The following SHISA9 variants were observed in gnomAD, a reference collection of about 807,000 sequenced individuals.
SHISA9 encodes the protein shisa family member 9.
SHISA9 carries 13 observed loss-of-function variants against 38.0 expected under a neutral mutation model. The ratio of observed to expected loss-of-function variants is 0.34; its 90% CI spans 0.22 to 0.54. SHISA9 has a LOEUF of 0.54. Ranked by LOEUF, SHISA9 falls within the 20% of genes least tolerant of loss-of-function variation. SHISA9 has a pLI of 0.91. For synonymous variants in SHISA9, 275 were observed against 242.0 expected (o/e 1.14, Z -1.27); for missense variants, 538 against 575.8 (o/e 0.93, Z 0.67).
At chr16:13,270,832 G>A in the SHISA9 span, among the ~76,000 whole-genome samples, 3 of 152,122 alleles carry the variant, frequency 2.0e-5, no homozygotes, top group African/African-American at 7.2e-5. Flanking sequence ...AGAGCACCTT[G>A]GAGTCATAAA....
chr16:13,071,212 A>T (rs2073509884), intron 2 of SHISA9, among the ~76,000 whole-genome samples: 1 of 152,208 alleles, frequency 6.6e-6, no homozygotes, highest in Admixed American at 6.5e-5. Flanking sequence ...TTTAAAAAAA[A>T]GGAGTGACAG....
the SHISA9 span, among the ~76,000 whole-genome samples, chr16:13,461,040 T>C: frequency 1.5e-4 from 23 of 152,336 alleles, no homozygotes; most frequent in Middle Eastern, 3.4e-3. Context: ...ATTTATCCAA[T>C]AGACAACATA....
chr16:13,322,846 T>G, the SHISA9 span, among the ~76,000 whole-genome samples: 4 of 152,164 alleles, frequency 2.6e-5, no homozygotes, highest in Non-Finnish European at 5.9e-5. Flanking sequence ...CCCGTAAAGT[T>G]GTTTAACTCC....
intron 2 of SHISA9, among the ~76,000 whole-genome samples, chr16:13,171,516 C>G (rs2050686482): frequency 6.6e-6 from 1 of 151,934 alleles, no homozygotes; most frequent in Admixed American, 6.6e-5. Flanking sequence ...CAAGGAAGCC[C>G]TTTCTTGAAG....
intron 3 of SHISA9, among the ~76,000 whole-genome samples, chr16:13,213,016 T>A (rs77546908): frequency 0.015 from 2,239 of 152,306 alleles, 58 homozygotes; most frequent in African/African-American, 0.052. Context: ...TCAGGAGGCT[T>A]CTTTTGATCT....
chr16:12,984,750 C>G (rs1418758186), intron 2 of SHISA9, among the ~76,000 whole-genome samples: 4 of 152,196 alleles, frequency 2.6e-5, no homozygotes, highest in Non-Finnish European at 4.4e-5. Flanking sequence ...TTGGCATCCT[C>G]TGATTTCCTT....
intron 2 of SHISA9, among the ~76,000 whole-genome samples, chr16:13,178,511 C>A (rs780191291): frequency 6.6e-6 from 1 of 152,140 alleles, no homozygotes; most frequent in African/African-American, 2.4e-5. Context: ...TGCCCGCCCA[C>A]GACTGACAGA....
intron 2 of SHISA9, among the ~76,000 whole-genome samples, chr16:13,074,668 CTTTTTTTTTT>C (rs947582644): frequency 7.1e-6 from 1 of 141,112 alleles, no homozygotes. Context: ...TTTTCTTTTT[CTTTTTTTTTT>C]TTTGAGGTGG....
chr16:13,478,560 G>C, the SHISA9 span, among the ~76,000 whole-genome samples: 1 of 152,130 alleles, frequency 6.6e-6, no homozygotes, highest in African/African-American at 2.4e-5. Flanking sequence ...TGCAAGCATT[G>C]AACTAGATCA....
intron 2 of SHISA9, among the ~76,000 whole-genome samples, chr16:12,973,255 C>G (rs990174231): frequency 6.6e-6 from 1 of 152,202 alleles, no homozygotes; most frequent in Admixed American, 6.5e-5. Context: ...TCCTTTTGCC[C>G]TTCTTTTCCT....
intron 4 of SHISA9, among the ~76,000 whole-genome samples, chr16:13,223,202 G>A (rs944268048): frequency 2.0e-5 from 3 of 152,158 alleles, no homozygotes; most frequent in African/African-American, 7.2e-5. Flanking sequence ...TGAGGCAGGA[G>A]GATTGCTTGA....
the SHISA9 span, among the ~76,000 whole-genome samples, chr16:13,420,541 T>C: frequency 6.6e-6 from 1 of 152,028 alleles, no homozygotes; most frequent in Non-Finnish European, 1.5e-5. Context: ...AGACAGGTTA[T>C]AAAAGTGGGG....
chr16:12,937,136 T>C (rs1850855895), intron 2 of SHISA9, among the ~76,000 whole-genome samples: 1 of 152,180 alleles, frequency 6.6e-6, no homozygotes, highest in Non-Finnish European at 1.5e-5. Context: ...AGATGATTTG[T>C]GGAGCTTGGA....
intron 2 of SHISA9, among the ~76,000 whole-genome samples, chr16:13,127,021 C>T (rs1202178235): frequency 9.4e-6 from 1 of 106,812 alleles, no homozygotes; most frequent in Non-Finnish European, 1.8e-5. Flanking sequence ...GGGAAGGAGA[C>T]AGAGAGAGCC....
downstream of SHISA9, among the ~76,000 whole-genome samples, chr16:13,244,600 C>G (rs2051458654): frequency 6.6e-6 from 1 of 152,040 alleles, no homozygotes; most frequent in South Asian, 2.1e-4. Context: ...ATGTGTTAAT[C>G]AATTGTTTAT....
At chr16:13,536,552 G>A in the SHISA9 span, among the ~76,000 whole-genome samples, 1 of 152,188 alleles carries the variant, frequency 6.6e-6, no homozygotes, top group South Asian at 2.1e-4. Flanking sequence ...ATAAAGAACT[G>A]TGAACACACA....
At chr16:13,022,323 T>G (rs529684283) in intron 2 of SHISA9, among the ~76,000 whole-genome samples, 1 of 148,730 alleles carries the variant, frequency 6.7e-6, no homozygotes, top group Admixed American at 6.7e-5. Flanking sequence ...GGCTAATTTT[T>G]ACATTAAAAA....
chr16:13,138,635 T>G (rs2050370962), intron 2 of SHISA9, among the ~76,000 whole-genome samples: 2 of 152,198 alleles, frequency 1.3e-5, no homozygotes, highest in African/African-American at 2.4e-5. Context: ...AAGATTTTCC[T>G]TAGTGGTTCA....
the SHISA9 span, among the ~76,000 whole-genome samples, chr16:13,285,462 GTT>G: frequency 0.16 from 15,548 of 96,042 alleles, 778 homozygotes; most frequent in Non-Finnish European, 0.18. Context: ...TTCAGGTGTA[GTT>G]TTTTTTTTTT....
Sources: gnomAD v4.1 joint callset for allele counts (sites outside exome capture counted in the v4.1 genomes callset) on GRCh38, gnomAD v4.1.1 for gene constraint, MANE v1.5 for transcripts, NCBI Gene and HGNC (gene_info 2026-07-23, HGNC 2026-07-21) for gene names.